GOSR2: variants seen among roughly 807,000 people sequenced by gnomAD.
GOSR2 encodes 27 kDa Golgi SNARE protein.
GOSR2 carries 20 observed loss-of-function variants against 27.9 expected under a neutral mutation model. The ratio of observed to expected loss-of-function variants is 0.72; its 90% CI spans 0.50 to 1.04. The LOEUF (loss-of-function observed/expected upper bound fraction) is 1.04. GOSR2 is among the 50% of genes least tolerant of loss of function. The pLI, the probability that GOSR2 is intolerant of heterozygous loss-of-function variation, is 0.00. For missense variants in GOSR2, 261 were observed against 270.5 expected (o/e 0.97, Z 0.25); for synonymous variants, 91 against 98.8 (o/e 0.92, Z 0.47).
chr17:46,940,793 T>G lies in GOSR2; in HGVS notation c.*2033T>G. The G allele has an allele frequency of 6.7e-7, 1 of 1,499,892 alleles. No individual in the cohort carries two copies. Among genetic ancestry groups the G allele is most frequent in the Non-Finnish European group, 8.9e-7 (1 of 1,126,230 alleles). The allele number at this position is 1,499,892 out of a possible 1,614,324, so 92.9% of individuals were successfully genotyped here. A position where few individuals can be genotyped will look rare whatever the true frequency, so the allele number is the denominator to read the frequency against. On this transcript the variant is annotated 3_prime_UTR_variant, in exon 6 of 6. Transcript: ENST00000640051. ...TAGTTTGGAATAAAAATTGCAGAGGTGGTTTTTGGGTCTTTACCACCTGCG... is the reference window on the plus strand; with the variant it reads ...TAGTTTGGAATAAAAATTGCAGAGGGGGTTTTTGGGTCTTTACCACCTGCG...
At chr17:46,927,322 A>G (rs2086640077) in intron 1 of GOSR2, among the ~76,000 whole-genome samples, 2 of 152,106 alleles carry the variant, frequency 1.3e-5, no homozygotes, top group Non-Finnish European at 2.9e-5. Context: ...AGTCTGTGCC[A>G]TTCATTTGTT....
intron 6 of GOSR2, among the ~76,000 whole-genome samples, chr17:46,958,644 G>A (rs2090875694): frequency 6.6e-6 from 1 of 152,238 alleles, no homozygotes; most frequent in Non-Finnish European, 1.5e-5. Flanking sequence ...GGGGCCATCA[G>A]GGCATCGCCC....
intron 6 of GOSR2, among the ~76,000 whole-genome samples, chr17:46,965,570 G>A (rs543818529): frequency 1.8e-4 from 28 of 152,210 alleles, no homozygotes; most frequent in Admixed American, 5.2e-4. Flanking sequence ...GGAAATCCTC[G>A]TGGTTTCTGC....
chr17:46,945,293 G>C (rs891552998), downstream of GOSR2, among the ~76,000 whole-genome samples: 3 of 152,270 alleles, frequency 2.0e-5, no homozygotes, highest in African/African-American at 4.8e-5. Flanking sequence ...GCTGCTCAGA[G>C]GCCTGAGTTC....
chr17:46,960,713 C>T (rs372113968), intron 6 of GOSR2, among the ~76,000 whole-genome samples: 3 of 152,158 alleles, frequency 2.0e-5, no homozygotes, highest in East Asian at 1.9e-4. Context: ...AAGTGTGAAA[C>T]GATATGGATG....
At chr17:46,935,220 C>T (rs770280874) in intron 5 of GOSR2, 51 bp downstream of exon 5, 2 of 1,609,886 alleles carry the variant, frequency 1.2e-6, no homozygotes, top group Non-Finnish European at 1.7e-6. Flanking sequence ...TTAGCCTCAT[C>T]CAACAGTTTA....
intron 1 of GOSR2, 31 bp from the exon 2 acceptor site, chr17:46,929,489 C>T (rs1361513160): frequency 8.4e-7 from 1 of 1,190,674 alleles, no homozygotes; most frequent in South Asian, 1.2e-5. Context: ...TTACTCCTGT[C>T]TCACTCATTT....
intron 5 of GOSR2, chr17:46,936,110 G>T (rs2088292466): frequency 9.1e-6 from 9 of 985,922 alleles, no homozygotes; most frequent in Non-Finnish European, 1.1e-5. Flanking sequence ...GCTGACAGTT[G>T]CAGTGTCTCA....
At chr17:46,943,856 C>T (rs756915764), downstream of GOSR2, among the ~76,000 whole-genome samples, 1 of 152,198 alleles carries the variant, frequency 6.6e-6, no homozygotes, top group Non-Finnish European at 1.5e-5. Context: ...GTAGAGTGAC[C>T]AACTTGTCTG....
intron 1 of GOSR2, 37 bp downstream of exon 1, chr17:46,923,258 A>T (rs1165356765): frequency 6.5e-7 from 1 of 1,550,264 alleles, no homozygotes; most frequent in East Asian, 2.4e-5. Context: ...GGGCTAGACG[A>T]GGCGAGGCCA....
chr17:46,934,701 A>C (rs1599015614), intron 4 of GOSR2, among the ~76,000 whole-genome samples: 1 of 152,336 alleles, frequency 6.6e-6, no homozygotes, highest in East Asian at 1.9e-4. Context: ...TAGTCAGAGA[A>C]AGCCTTTAGG....
At chr17:46,937,326 C>T (rs759603409) in intron 5 of GOSR2, 6 of 152,168 alleles carry the variant, frequency 3.9e-5, no homozygotes, top group Non-Finnish European at 8.8e-5. Flanking sequence ...AGATTGTACT[C>T]TACAAAGTAA....
intron 5 of GOSR2, among the ~76,000 whole-genome samples, chr17:46,938,242 T>C (rs1384587330): frequency 6.6e-6 from 1 of 152,208 alleles, no homozygotes; most frequent in Non-Finnish European, 1.5e-5. Flanking sequence ...TTTAATTCTA[T>C]GAACCATCTC....
rs1432607041 is a variant in GOSR2, at chr17:46,940,667, G to A, written c.*1907G>A. 1.3e-5 allele frequency: 21 copies of A among 1,612,906 alleles called. No homozygotes were observed. Among genetic ancestry groups the A allele is most frequent in the East Asian group, 2.2e-5 (1 of 44,902 alleles). On this transcript the variant is annotated 3_prime_UTR_variant, in exon 6 of 6. Transcript: ENST00000640051. Reference sequence around the variant, plus strand: ...GAAGTCCCCGCACCCATCATGCGTGGACTGATAGGACATCTTTTCGTGGTG... The same window carrying A: ...GAAGTCCCCGCACCCATCATGCGTGAACTGATAGGACATCTTTTCGTGGTG...
Position 46,940,307 on chromosome 17 carries a change from T to C in GOSR2, c.*1547T>C. 1 of 1,441,420 alleles carries C rather than the reference T, an allele frequency of 6.9e-7. No individual in the cohort carries two copies. Among genetic ancestry groups the C allele is most frequent in the Non-Finnish European group, 9.1e-7 (1 of 1,101,790 alleles). 89.3% of individuals were successfully genotyped at this position (1,441,420 alleles called of 1,614,324 possible). A position where few individuals can be genotyped will look rare whatever the true frequency, so the allele number is the denominator to read the frequency against. On this transcript the variant is annotated 3_prime_UTR_variant, in exon 6 of 6. Transcript: ENST00000640051. ...CCCTCCGGGCCAAATGGGCCCCAGG[T>C]TTCCAAGGAAGGAGCAATCTGTGAC... is the stretch of plus-strand genomic sequence containing the variant.
rs2085950798 is a variant in GOSR2 at position 46,923,207 on chromosome 17, C to G, written c.15C>G (p.Phe5Leu). Reference protein sequence around the residue: MDPLFQQTHKQVHEI... With the variant: MDPLLQQTHKQVHEI... The stretch of plus-strand genomic sequence containing the variant: ...GGGCCGGCGACATGGATCCCCTGTT[C>G]CAGCAAACGCACAAGTGAGGGCCGG... The change falls in exon 1 of 6, where the codon TTC (phenylalanine) becomes TTG (leucine). Residue 5 changes from phenylalanine to leucine, a missense_variant. Physicochemically the swap from Phe to Leu is conservative, Grantham distance 22 (BLOSUM62 0). Transcript: ENST00000640051. 8 of 1,549,594 alleles carry G rather than the reference C, an allele frequency of 5.2e-6. No individual in the cohort carries two copies. The highest frequency in any genetic ancestry group is 2.7e-5 in the African/African-American group (2 of 73,156).
At chr17:46,942,143 G>A (rs943155923), downstream of GOSR2, 2 of 168,336 alleles carry the variant, frequency 1.2e-5, no homozygotes, top group African/African-American at 2.4e-5. Context: ...GAACTCAAAC[G>A]TTGTAACACC....
At chr17:46,926,902 G>A (rs1483182821) in intron 1 of GOSR2, among the ~76,000 whole-genome samples, 1 of 152,210 alleles carries the variant, frequency 6.6e-6, no homozygotes, top group African/African-American at 2.4e-5. Flanking sequence ...GGGTATGCCA[G>A]AACCTCTCTA....
chr17:46,962,062 T>C (rs2091085239), intron 6 of GOSR2, among the ~76,000 whole-genome samples: 1 of 152,204 alleles, frequency 6.6e-6, no homozygotes, highest in South Asian at 2.1e-4. Context: ...CCAGGCACAG[T>C]GGCTCATGCC....
Sources: allele counts gnomAD v4.1 joint callset (sites outside exome capture counted in the v4.1 genomes callset), GRCh38; gene constraint gnomAD v4.1.1; transcripts MANE v1.5; gene names NCBI Gene and HGNC (gene_info 2026-07-23, HGNC 2026-07-21).